ATP11A: variants seen among roughly 807,000 people sequenced by gnomAD.
ATP11A encodes the protein phospholipid-transporting ATPase IH.
In ATP11A, 81 loss-of-function variants were observed where a neutral mutation model predicts 154.4. The observed-to-expected ratio is 0.52, with a 90% CI of 0.44 to 0.63. ATP11A has a LOEUF of 0.63. Among genes scored for constraint, ATP11A ranks in the 30% least tolerant of loss-of-function variants. The pLI is 0.00. For synonymous variants in ATP11A, 623 were observed against 585.9 expected (o/e 1.06, Z -0.91); for missense variants, 1,316 against 1,474.3 (o/e 0.89, Z 1.76).
intron 1 of ATP11A, among the ~76,000 whole-genome samples, chr13:112,762,402 C>T (rs1436384777): frequency 6.6e-6 from 1 of 152,192 alleles, no homozygotes; most frequent in Non-Finnish European, 1.5e-5. Context: ...AAGACAGCAG[C>T]AGCCTGCAGG....
At chr13:112,820,096 T>G (rs1255469149) in intron 8 of ATP11A, 146 bp downstream of exon 8, 1 of 770,362 alleles carries the variant, frequency 1.3e-6, no homozygotes, top group African/African-American at 1.8e-5. Flanking sequence ...CGGGCTCCAC[T>G]CTCGTCTCTG....
chr13:112,691,411 C>T (rs1206019270), intron 1 of ATP11A, among the ~76,000 whole-genome samples: 1 of 149,412 alleles, frequency 6.7e-6, no homozygotes, highest in Non-Finnish European at 1.5e-5. Context: ...TTGCAATGAG[C>T]CGAGATCGAG....
At chr13:112,874,978 C>A (rs188931911) in intron 27 of ATP11A, among the ~76,000 whole-genome samples, 3 of 152,308 alleles carry the variant, frequency 2.0e-5, no homozygotes, top group African/African-American at 7.2e-5. Context: ...ATTGACCCCA[C>A]GTCTTTGATG....
At chr13:112,865,278 C>T (rs61961590) in intron 25 of ATP11A, among the ~76,000 whole-genome samples, 1,393 of 38,872 alleles carry the variant, frequency 0.036, 36 homozygotes, top group African/African-American at 0.056. Flanking sequence ...ATGCAGCTTC[C>T]CAGCGGGGTC....
At chr13:112,691,557 G>C (rs562312784) in intron 1 of ATP11A, among the ~76,000 whole-genome samples, 1 of 150,988 alleles carries the variant, frequency 6.6e-6, no homozygotes, top group Admixed American at 6.6e-5. Context: ...CCACTGTCTT[G>C]CACAAGAGGC....
At chr13:112,761,241 G>C (rs918947912) in intron 1 of ATP11A, among the ~76,000 whole-genome samples, 1 of 152,166 alleles carries the variant, frequency 6.6e-6, no homozygotes, top group African/African-American at 2.4e-5. Context: ...CAGGCAATGC[G>C]GGTACACCTA....
At chr13:112,842,511 G>A in intron 17 of ATP11A, 132 bp downstream of exon 17, 2 of 769,020 alleles carry the variant, frequency 2.6e-6, no homozygotes, top group Non-Finnish European at 4.3e-6. Context: ...AATCAGCTGG[G>A]CCAGAGGCAG....
rs993429160 is a variant in ATP11A, at chr13:112,838,045, G to T, written c.1705+1794G>T. On this transcript the variant is annotated intron_variant, in intron 16 of 29. Transcript: ENST00000375645. The surrounding 1 kb of genome is among the most constrained non-coding windows in gnomAD (Gnocchi z 7.3). ...GTGGGATGAATCCAGGCTCCACAGT[G>T]AGATGTCTACTGATGGTCATAGGAT... Among the ~76,000 whole-genome samples the T allele has an allele frequency of 6.6e-6, 1 of 152,184 alleles. No homozygotes were observed. Among genetic ancestry groups the T allele is most frequent in the African/African-American group, 2.4e-5 (1 of 41,456 alleles).
At chr13:112,880,372 T>C in intron 29 of ATP11A, 1 of 395,404 alleles carries the variant, frequency 2.5e-6, no homozygotes, top group Non-Finnish European at 3.9e-6. Context: ...GACAGTGTTT[T>C]CCCAAGACGC....
At chr13:112,881,570 G>A (rs368918441) in intron 29 of ATP11A, 36 of 1,158,552 alleles carry the variant, frequency 3.1e-5, no homozygotes, top group Middle Eastern at 3.9e-4. Flanking sequence ...CAGGGGGACG[G>A]TCACTCTGTT....
In ATP11A at chr13:112,812,419, C is replaced by T. The variant is rs558126834; in HGVS notation, c.441+1693C>T. Among the ~76,000 whole-genome samples, 9 of 152,290 alleles carry T rather than the reference C, an allele frequency of 5.9e-5. No homozygotes were observed. In the East Asian group the frequency reaches 1.5e-3, roughly 26 times the overall value. ...TCCCTGGCTGTTTTCCCAGCTGAGC[C>T]GTAGGAGGTTTGGTGAGGGAGGCAG... On this transcript the variant is annotated intron_variant, in intron 5 of 29. Coordinates refer to ENST00000375645, the MANE Select transcript of ATP11A (RefSeq NM_015205.3).
chr13:112,711,596 C>G (rs1306095625), intron 1 of ATP11A, among the ~76,000 whole-genome samples: 1 of 151,642 alleles, frequency 6.6e-6, no homozygotes, highest in South Asian at 2.1e-4. Context: ...CAGGTCAGGG[C>G]TCTGGACTGG....
rs1183828723 is a variant in ATP11A at position 112,832,978 on chromosome 13, T to A, written c.1514T>A (p.Ile505Asn). Residue 505 changes from isoleucine (I) to asparagine (N), a missense_variant, in exon 14 of 30, where the codon ATC (isoleucine) becomes AAC (asparagine). By Grantham distance (149) the Ile-to-Asn change is moderately radical (BLOSUM62 -3). Coordinates refer to ENST00000375645, the MANE Select transcript of ATP11A (RefSeq NM_015205.3). ...GACGGGGGGAAATCCTGTGTGTACA[T>A]CTCATCCTCGCCCGACGAGGTGGCG... The part of the protein sequence containing the change: ...SPDGGKSCVY[I>N]SSSPDEVALV... 6.2e-7 allele frequency: 1 copy of A among 1,613,562 alleles called. No individual in the cohort carries two copies. Among genetic ancestry groups the A allele is most frequent in the African/African-American group, 1.3e-5 (1 of 74,892 alleles).
intron 1 of ATP11A, among the ~76,000 whole-genome samples, chr13:112,701,273 G>A (rs185421040): frequency 4.6e-5 from 7 of 152,228 alleles, no homozygotes; most frequent in African/African-American, 1.7e-4. Flanking sequence ...TATTGTTGCT[G>A]CGTGCTTATC....
chr13:112,860,259 G>A lies in ATP11A; in HGVS notation c.2728-28G>A, dbSNP rs778464696. ...AAAGTTTGTAACAATGCACTGAGGTGCCACTTCTTGTGACTTTCCTCTTAC... is the reference window on the plus strand; with the variant it reads ...AAAGTTTGTAACAATGCACTGAGGTACCACTTCTTGTGACTTTCCTCTTAC... On this transcript the variant is annotated intron_variant, in intron 23 of 29. Coordinates refer to ENST00000375645, the MANE Select transcript of ATP11A (RefSeq NM_015205.3). 4 of 1,603,054 alleles carry A rather than the reference G, an allele frequency of 2.5e-6. No homozygotes were observed. The South Asian group carries it at 3.3e-5, about 13-fold the overall frequency.
intron 1 of ATP11A, among the ~76,000 whole-genome samples, chr13:112,782,702 G>A (rs538031511): frequency 2.6e-5 from 4 of 152,362 alleles, no homozygotes; most frequent in South Asian, 4.1e-4. Flanking sequence ...GCCCGTCCTC[G>A]TGGGGAGGGG....
intron 29 of ATP11A, 179 bp downstream of exon 29, chr13:112,878,482 A>G (rs972595342): frequency 6.3e-6 from 4 of 638,476 alleles, no homozygotes; most frequent in African/African-American, 3.6e-5. Flanking sequence ...CAGACTGATC[A>G]TGGGCTGTGC....
intron 25 of ATP11A, among the ~76,000 whole-genome samples, chr13:112,865,677 G>A (rs1172932202): frequency 1.3e-5 from 2 of 152,224 alleles, no homozygotes; most frequent in Non-Finnish European, 2.9e-5. Flanking sequence ...AGCTTCCCAA[G>A]TAGCTGGGAC....
At chr13:112,740,126 T>TTC (rs71208910) in intron 1 of ATP11A, among the ~76,000 whole-genome samples, 17,045 of 141,992 alleles carry the variant, frequency 0.12, 1,188 homozygotes, top group Non-Finnish European at 0.16. Flanking sequence ...AGCATGTGAA[T>TTC]TCTCTCTCTC....
Sources: gnomAD v4.1 joint callset for allele counts (sites outside exome capture counted in the v4.1 genomes callset) on GRCh38, gnomAD v4.1.1 for gene constraint, Gnocchi (gnomAD v3.1) non-coding constraint, MANE v1.5 for transcripts, NCBI Gene and HGNC (gene_info 2026-07-23, HGNC 2026-07-21) for gene names.